The following DGKZ variants were observed in gnomAD, a reference collection of about 807,000 sequenced individuals.
DGKZ encodes DAG kinase zeta.
Under a neutral mutation model 142.5 loss-of-function variants are expected in DGKZ, and 45 were observed. The ratio of observed to expected loss-of-function variants is 0.32; its 90% CI spans 0.25 to 0.40. DGKZ has a LOEUF of 0.40. Ranked by LOEUF, DGKZ falls within the 10% of genes least tolerant of loss-of-function variation. The pLI is 1.00. For synonymous variants in DGKZ, 442 were observed against 527.0 expected (o/e 0.84, Z 2.21); for missense variants, 755 against 1,306.5 (o/e 0.58, Z 6.51).
chr11:46,379,668 C>G, intron 30 of DGKZ, 100 bp downstream of exon 30: 1 of 1,306,820 alleles, frequency 7.7e-7, no homozygotes, highest in Non-Finnish European at 1.0e-6. Context: ...TGGGAAGACA[C>G]AGTCCAGACC....
chr11:46,366,372 C>G, intron 1 of DGKZ: 1 of 1,519,286 alleles, frequency 6.6e-7, no homozygotes, highest in Non-Finnish European at 8.8e-7. Context: ...CGCTCCCCCG[C>G]TGGGCAGGCC....
chr11:46,366,856 G>A (rs991619283), intron 1 of DGKZ: 27 of 1,546,664 alleles, frequency 1.7e-5, no homozygotes, highest in Non-Finnish European at 2.3e-5. Context: ...CTGGCCCTGG[G>A]GGCCGAAGAG....
upstream of DGKZ, among the ~76,000 whole-genome samples, chr11:46,344,785 G>A (rs989489199): frequency 2.0e-5 from 3 of 152,050 alleles, no homozygotes; most frequent in Non-Finnish European, 2.9e-5. Context: ...AGAAAACTGA[G>A]GCTCAGAAAA....
intron 24 of DGKZ, 42 bp downstream of exon 24, chr11:46,376,606 GC>G: frequency 6.2e-7 from 1 of 1,611,886 alleles, no homozygotes. Context: ...CTGCTTCCGG[GC>G]CCCAGGGTCG....
chr11:46,356,867 T>G (rs1302542672), intron 1 of DGKZ, among the ~76,000 whole-genome samples: 1 of 152,156 alleles, frequency 6.6e-6, no homozygotes, highest in Non-Finnish European at 1.5e-5. Context: ...ATTCGTAGCT[T>G]AATATTTGTA....
At chr11:46,364,699 G>C (rs1373036917) in intron 1 of DGKZ, 9 of 985,352 alleles carry the variant, frequency 9.1e-6, no homozygotes, top group Middle Eastern at 5.2e-4. Flanking sequence ...TGTATGGAAG[G>C]AGAAGGTGCT....
At position 46,374,681 on chromosome 11, in the gene DGKZ, G is replaced by A; in HGVS notation, c.1524+15G>A. ...TCCGAGTGGTGGTGAGCGGGGCCAG[G>A]CTGCCGTGGGTGGGTGGGCCGGAAG... On this transcript the variant is annotated intron_variant, in intron 17 of 30. Transcript: ENST00000527911. 6.2e-7 allele frequency: 1 copy of A among 1,603,354 alleles called. No homozygotes were observed. The highest frequency in any genetic ancestry group is 8.5e-7 in the Non-Finnish European group (1 of 1,174,088).
intron 30 of DGKZ, 123 bp from the exon 31 acceptor site, chr11:46,379,708 C>T (rs1019385478): frequency 7.9e-7 from 1 of 1,272,660 alleles, no homozygotes; most frequent in Non-Finnish European, 1.1e-6. Flanking sequence ...AGGGGAGGAG[C>T]TGGTGGGCAG....
At chr11:46,345,656 G>C, upstream of DGKZ, 8 of 1,408,936 alleles carry the variant, frequency 5.7e-6, no homozygotes, top group Non-Finnish European at 6.6e-6. This position sits in a 1 kb window ranked among gnomAD's most constrained non-coding sequence, Gnocchi z 4.1. Flanking sequence ...ATCTGAGATG[G>C]GGGTGACAGA....
chr11:46,369,513 C>T (rs1943706700), exon 5 of DGKZ: 2 of 1,613,600 alleles, frequency 1.2e-6, no homozygotes, highest in African/African-American at 1.3e-5. Context: ...CGCTGTAAGC[C>T]GTCCTTCCGT....
At chr11:46,333,563 A>G in intron 1 of DGKZ, 2 of 1,348,694 alleles carry the variant, frequency 1.5e-6, no homozygotes, top group Admixed American at 2.1e-5. Context: ...ACAAACGTTT[A>G]TTGTGCGCCC....
chr11:46,366,979 G>A (rs138189079), intron 1 of DGKZ: 43 of 1,527,372 alleles, frequency 2.8e-5, no homozygotes, highest in Non-Finnish European at 3.7e-5. Flanking sequence ...GGAGCGCCCT[G>A]CTCGCGTAGG....
rs756117673 is a variant in DGKZ, at chr11:46,366,476, C to T, written c.162-815C>T. ...GAGGGCCCAGGGTTCCAGCCGCCGG[C>T]GCTCCAGCACTGTGCCCCCTTCCTG... On this transcript the variant is annotated intron_variant, in intron 1 of 30. Transcript: ENST00000527911. The T allele has an allele frequency of 2.3e-4, 364 of 1,568,410 alleles. No individual in the cohort carries two copies. Among genetic ancestry groups the T allele is most frequent in the Admixed American group, 3.2e-4 (17 of 53,698 alleles).
Position 46,367,837 on chromosome 11 carries a change from C to A in DGKZ, c.366+90C>A. On this transcript the variant is annotated intron_variant, in intron 3 of 30. Transcript: ENST00000527911. The surrounding 1 kb of genome is among the most constrained non-coding windows in gnomAD (Gnocchi z 4.1). Reference sequence around the variant, plus strand: ...ACGTGGGATTGAGCCCGCTCCCTGGCACCCCTGCTGTGGGCCGCCCCAGGA... The same window carrying A: ...ACGTGGGATTGAGCCCGCTCCCTGGAACCCCTGCTGTGGGCCGCCCCAGGA... The A allele has an allele frequency of 6.4e-7, 1 of 1,561,048 alleles. No individual in the cohort carries two copies. Among genetic ancestry groups the A allele is most frequent in the Non-Finnish European group, 8.8e-7 (1 of 1,136,100 alleles).
intron 6 of DGKZ, among the ~76,000 whole-genome samples, chr11:46,370,488 G>C (rs1943822339): frequency 6.6e-6 from 1 of 152,216 alleles, no homozygotes; most frequent in Non-Finnish European, 1.5e-5. Context: ...GGAGAGGCTT[G>C]CTTCACTGAT....
chr11:46,371,267 C>T lies in DGKZ; in HGVS notation c.571-46C>T, dbSNP rs1943912263. 3 of 1,582,660 alleles carry T rather than the reference C, an allele frequency of 1.9e-6. No individual in the cohort carries two copies. In the South Asian group the frequency reaches 3.4e-5, roughly 18 times the overall value. The stretch of plus-strand genomic sequence containing the variant: ...GGCACCAGGAGAGGGGCTGGGTCTG[C>T]TGCTCCACGCCTGCCCTGGTTCCCA... On this transcript the variant is annotated intron_variant, in intron 6 of 30. Coordinates refer to ENST00000527911, the Ensembl canonical transcript of DGKZ.
intron 1 of DGKZ, chr11:46,366,233 G>A: frequency 1.9e-6 from 3 of 1,551,948 alleles, no homozygotes; most frequent in Non-Finnish European, 2.6e-6. Context: ...CCCGGTCTCT[G>A]TGCCCAACAG....
intron 4 of DGKZ, chr11:46,369,106 G>A (rs1460109787): frequency 3.4e-6 from 1 of 297,914 alleles, no homozygotes; most frequent in Non-Finnish European, 6.6e-6. Flanking sequence ...TACTCGGGAG[G>A]TGGAGGTTGC....
At position 46,369,640 on chromosome 11, in the gene DGKZ, C is replaced by T. The variant is rs1943719183; in HGVS notation, c.501+90C>T. 7.3e-6 allele frequency: 11 copies of T among 1,511,808 alleles called. No individual in the cohort carries two copies. The South Asian group carries it at 7.9e-5, about 11-fold the overall frequency. The allele number at this position is 1,511,808 out of a possible 1,614,324, so 93.6% of individuals were successfully genotyped here. ...GCCTCTGGAGTGCCACCAGGGGGCT[C>T]GGCTCCCTCTAGGCTGCTGCTCACT... On this transcript the variant is annotated intron_variant, in intron 5 of 30. Coordinates refer to ENST00000527911, the Ensembl canonical transcript of DGKZ.
Sources: gnomAD v4.1 joint callset for allele counts (sites outside exome capture counted in the v4.1 genomes callset) on GRCh38, gnomAD v4.1.1 for gene constraint, Gnocchi (gnomAD v3.1) non-coding constraint, MANE v1.5 for transcripts, NCBI Gene and HGNC (gene_info 2026-07-23, HGNC 2026-07-21) for gene names.